Variants in ARPC4 observed in about 807,000 individuals in gnomAD.
The protein encoded by ARPC4 is actin related protein 2/3 complex subunit 4, also known as actin-related protein 2/3 complex subunit 4.
In ARPC4, 3 loss-of-function variants were observed where a neutral mutation model predicts 22.8. The ratio of observed to expected loss-of-function variants is 0.13; its 90% CI spans 0.06 to 0.34. The LOEUF (loss-of-function observed/expected upper bound fraction) is 0.34. ARPC4 is among the 10% of genes least tolerant of loss of function. The pLI is 1.00. For missense variants in ARPC4, 98 were observed against 211.0 expected, an observed-to-expected ratio of 0.46 and a Z score of 3.32; for synonymous variants, 80 against 72.5, an observed-to-expected ratio of 1.10 and a Z score of -0.52.
Position 9,801,783 on chromosome 3 carries a change from C to T in ARPC4, c.330+27C>T, listed in dbSNP as rs76952506. 8,922 of 1,571,404 alleles carry T rather than the reference C, an allele frequency of 5.7e-3. 375 individuals are homozygous for T. The African/African-American group carries it at 0.1, about 18-fold the overall frequency. ...TGAGACCCTGTGACCCATGAGTTTG[C>T]GATACCCAGGACCCTGTTACAGAAT... On this transcript the variant is annotated intron_variant, in intron 4 of 5. Transcript: ENST00000397261.
At chr3:9,806,124 G>C (rs2079101967) in intron 5 of ARPC4, 86 bp from the exon 6 acceptor site, 1 of 1,459,734 alleles carries the variant, frequency 6.9e-7, no homozygotes, top group Non-Finnish European at 9.6e-7. Context: ...CACAGTGGCA[G>C]CTCTCAGGTT....
At position 9,806,241 on chromosome 3, in the gene ARPC4, TC is replaced by T; in HGVS notation, c.*31del. 2 of 1,611,880 alleles carry T rather than the reference TC, an allele frequency of 1.2e-6. No homozygotes were observed. The highest frequency in any genetic ancestry group is 2.2e-5 in the East Asian group (1 of 44,860). On this transcript the variant is annotated 3_prime_UTR_variant, in exon 6 of 6. Transcript: ENST00000397261. ...ACCATCTGGCTGGATCTCGTGGCCT[TC>T]CCCCTCAGACTACCCATGTCTCCAC...
Position 9,793,107 on chromosome 3 carries a change from C to T in ARPC4, c.-15C>T, listed in dbSNP as rs1186105370. 5 of 1,544,080 alleles carry T rather than the reference C, an allele frequency of 3.2e-6. No individual in the cohort carries two copies. Among genetic ancestry groups the T allele is most frequent in the Admixed American group, 4.0e-5 (2 of 50,298 alleles). On this transcript the variant is annotated 5_prime_UTR_variant, in exon 1 of 6. Coordinates refer to ENST00000397261, the MANE Select transcript of ARPC4 (RefSeq NM_005718.5). ...ACTTCCGTACTTCCGCTTTCCGGCCCAGCCAGCGCCCGCGATGGTGAGAGA... is the reference window on the plus strand; with the variant it reads ...ACTTCCGTACTTCCGCTTTCCGGCCTAGCCAGCGCCCGCGATGGTGAGAGA...
At position 9,797,792 on chromosome 3, in the gene ARPC4, G is replaced by A. The variant is rs182417494; in HGVS notation, c.122+15G>A. On this transcript the variant is annotated intron_variant, in intron 2 of 5. Transcript: ENST00000397261. ...GTGGAAGTCAGGTAGGGAAGGACAAGTCAAGGTGGGGATGAGGGGTGCAGC... is the reference window on the plus strand; with the variant it reads ...GTGGAAGTCAGGTAGGGAAGGACAAATCAAGGTGGGGATGAGGGGTGCAGC... The A allele has an allele frequency of 4.3e-6, 7 of 1,612,156 alleles. No homozygotes were observed. In the Admixed American group the frequency reaches 6.7e-5, roughly 15 times the overall value.
Position 9,806,517 on chromosome 3 carries a change from T to A in ARPC4, c.*302T>A. Reference sequence around the variant, plus strand: ...TGTAGGATACTGTAACCTTTTTGTCTTTTTTTTTTTTTTTTTTTTTAAACC... The same window carrying A: ...TGTAGGATACTGTAACCTTTTTGTCATTTTTTTTTTTTTTTTTTTTAAACC... On this transcript the variant is annotated 3_prime_UTR_variant, in exon 6 of 6. Coordinates refer to ENST00000397261, the MANE Select transcript of ARPC4 (RefSeq NM_005718.5). The A allele has an allele frequency of 1.3e-4, 3 of 22,320 alleles. No individual in the cohort carries two copies. Among genetic ancestry groups the A allele is most frequent in the Non-Finnish European group, 4.3e-4 (3 of 6,974 alleles). The allele number at this position is 22,320 out of a possible 1,614,324, so 1.4% of individuals were successfully genotyped here.
rs2078925407 is a variant in ARPC4 at position 9,797,687 on chromosome 3, C to T, written c.32C>T (p.Ala11Val). 1 of 1,614,100 alleles carries T rather than the reference C, an allele frequency of 6.2e-7. No individual in the cohort carries two copies. Among genetic ancestry groups the T allele is most frequent in the Non-Finnish European group, 8.5e-7 (1 of 1,179,974 alleles). The change falls in exon 2 of 6, where the codon GCC becomes GTC. Residue 11 changes from alanine to valine, a missense_variant. Transcript: ENST00000397261. ...GCCACTCTCCGCCCCTACCTGAGTGCCGTGCGGGCCACATTGCAGGCTGCC... is the reference window on the plus strand; with the variant it reads ...GCCACTCTCCGCCCCTACCTGAGTGTCGTGCGGGCCACATTGCAGGCTGCC... MTATLRPYLS[A>V]VRATLQAALC...
In ARPC4 at chr3:9,806,141, C is replaced by G. The variant is rs185754781; in HGVS notation, c.502-69C>G. 9.6e-4 allele frequency: 1,499 copies of G among 1,567,244 alleles called. 11 individuals carry two copies. In the East Asian group the frequency reaches 0.01, roughly 11 times the overall value. On this transcript the variant is annotated intron_variant, in intron 5 of 5. Transcript: ENST00000397261. ...CAGTGGCAGCTCTCAGGTTCATGCA[C>G]CTCCTTAGAGCAGTGCCACCAGGAT...
chr3:9,796,738 G>T (rs1012008418), intron 1 of ARPC4, among the ~76,000 whole-genome samples: 6 of 152,086 alleles, frequency 3.9e-5, no homozygotes, highest in Admixed American at 3.9e-4. Context: ...TCAGGAGATT[G>T]AGACCATCCT....
At chr3:9,797,804 A>G in intron 2 of ARPC4, 27 bp downstream of exon 2, 8 of 1,608,738 alleles carry the variant, frequency 5.0e-6, no homozygotes, top group Non-Finnish European at 5.9e-6. Context: ...CAAGGTGGGG[A>G]TGAGGGGTGC....
chr3:9,799,792 T>G (rs2078970550), intron 2 of ARPC4: 2 of 449,292 alleles, frequency 4.5e-6, no homozygotes, highest in Admixed American at 4.9e-5. Flanking sequence ...GTTCAACTTG[T>G]AGTTACTAAA....
At chr3:9,799,418 A>T (rs1451093497) in intron 2 of ARPC4, among the ~76,000 whole-genome samples, 6 of 151,732 alleles carry the variant, frequency 4.0e-5, no homozygotes, top group Non-Finnish European at 8.8e-5. Flanking sequence ...TCCTTTGAGC[A>T]TCTTGTCAGC....
upstream of ARPC4, chr3:9,792,533 A>G: frequency 1.6e-6 from 2 of 1,220,604 alleles, no homozygotes; most frequent in Non-Finnish European, 2.0e-6. Flanking sequence ...GGGCGAGCCT[A>G]CTGGAGTTTG....
At chr3:9,800,372 T>C (rs569015319) in intron 3 of ARPC4, 76 bp downstream of exon 3, 1 of 1,400,220 alleles carries the variant, frequency 7.1e-7, no homozygotes, top group African/African-American at 1.4e-5. Context: ...GGGGTCCCCA[T>C]CTGAGAGATC....
chr3:9,806,271 G>A lies in ARPC4; in HGVS notation c.*56G>A, dbSNP rs569957500. The A allele has an allele frequency of 1.3e-6, 2 of 1,595,898 alleles. No individual in the cohort carries two copies. Among genetic ancestry groups the A allele is most frequent in the Middle Eastern group, 1.7e-4 (1 of 6,020 alleles). ...CTCAGACTACCCATGTCTCCACGAA[G>A]GCGTCCTGGAGTCACTCCCCGAGCA... On this transcript the variant is annotated 3_prime_UTR_variant, in exon 6 of 6. Transcript: ENST00000397261.
At chr3:9,793,178 G>C in intron 1 of ARPC4, 54 bp downstream of exon 1, 1 of 1,522,132 alleles carries the variant, frequency 6.6e-7, no homozygotes, top group Non-Finnish European at 8.8e-7. Context: ...CCTCAGGGCA[G>C]TGGGTCGGTG....
At position 9,796,175 on chromosome 3, in the gene ARPC4, C is replaced by T. The variant is rs114474367; in HGVS notation, c.4-1484C>T. ...TTGAGAGGCCGAGGTGGGCGGATTG[C>T]CTGAGGTCAGGATTTCAAGACAAGC... is the stretch of plus-strand genomic sequence containing the variant. On this transcript the variant is annotated intron_variant, in intron 1 of 5. Transcript: ENST00000397261. 1.6e-3 allele frequency among the ~76,000 whole-genome samples: 249 copies of T among 152,298 alleles called. 1 individual carries two copies. Among genetic ancestry groups the T allele is most frequent in the South Asian group, 0.01 (49 of 4,824 alleles).
At chr3:9,801,539 A>C in intron 3 of ARPC4, 122 bp from the exon 4 acceptor site, 1 of 923,010 alleles carries the variant, frequency 1.1e-6, no homozygotes, top group Non-Finnish European at 1.6e-6. Context: ...GATCCTTCCG[A>C]GTACCAAACC....
intron 1 of ARPC4, among the ~76,000 whole-genome samples, chr3:9,797,448 G>A (rs1258866065): frequency 6.6e-6 from 1 of 152,192 alleles, no homozygotes; most frequent in Non-Finnish European, 1.5e-5. Context: ...ATTACCAAAT[G>A]TACCCTGGCA....
intron 3 of ARPC4, among the ~76,000 whole-genome samples, chr3:9,801,174 G>A (rs902101035): frequency 2.5e-5 from 3 of 120,188 alleles, no homozygotes; most frequent in Non-Finnish European, 4.8e-5. Context: ...TCGTACCACT[G>A]CACTCCAGCC....
Sources: gnomAD v4.1 joint callset for allele counts (sites outside exome capture counted in the v4.1 genomes callset) on GRCh38, gnomAD v4.1.1 for gene constraint, MANE v1.5 for transcripts, NCBI Gene and HGNC (gene_info 2026-07-23, HGNC 2026-07-21) for gene names.